The following MMEL1 variants were observed in gnomAD, a reference collection of about 807,000 sequenced individuals.
The protein encoded by MMEL1 is membrane metallo-endopeptidase-like 1.
A neutral mutation model predicts 117.1 loss-of-function variants in MMEL1; 98 were observed. The ratio of observed to expected loss-of-function variants is 0.84; its 90% CI spans 0.71 to 0.99. The LOEUF (loss-of-function observed/expected upper bound fraction) is 0.99. Among genes scored for constraint, MMEL1 ranks in the 50% least tolerant of loss-of-function variants. MMEL1 has a pLI of 0.00. For synonymous variants in MMEL1, 390 were observed against 415.1 expected, an observed-to-expected ratio of 0.94 and a Z score of 0.74; for missense variants, 1,014 against 1,049.1, an observed-to-expected ratio of 0.97 and a Z score of 0.46.
intron 2 of MMEL1, among the ~76,000 whole-genome samples, chr1:2,624,042 G>A (rs1645331758): frequency 6.6e-6 from 1 of 152,170 alleles, no homozygotes; most frequent in South Asian, 2.1e-4. Flanking sequence ...GGTTGACATG[G>A]GGATGTGGTA....
intron 7 of MMEL1, 104 bp downstream of exon 7, chr1:2,606,869 TG>T: frequency 9.7e-7 from 1 of 1,035,508 alleles, no homozygotes; most frequent in Non-Finnish European, 1.5e-6. Context: ...AGCAGCCAGC[TG>T]GGGGTGGGGG....
intron 14 of MMEL1, 94 bp from the exon 15 acceptor site, chr1:2,596,201 C>T (rs535592598): frequency 4.7e-5 from 56 of 1,196,568 alleles, no homozygotes; most frequent in African/African-American, 3.9e-4. Context: ...TGAGCCCCGC[C>T]GGGGCAAGGC....
intron 11 of MMEL1, among the ~76,000 whole-genome samples, chr1:2,603,309 C>T (rs1644964678): frequency 6.6e-6 from 1 of 152,192 alleles, no homozygotes; most frequent in African/African-American, 2.4e-5. Context: ...GGGAGGAGGC[C>T]CTCGAGAAGG....
At chr1:2,605,371 C>T (rs1645005502) in intron 9 of MMEL1, among the ~76,000 whole-genome samples, 187 bp downstream of exon 9, 1 of 152,128 alleles carries the variant, frequency 6.6e-6, no homozygotes, top group African/African-American at 2.4e-5. Flanking sequence ...GAGGGAACGT[C>T]CCCCAGGATG....
chr1:2,595,405 G>C lies in MMEL1; in HGVS notation c.1501-46C>G. On this transcript the variant is annotated intron_variant, in intron 15 of 23. Coordinates refer to ENST00000378412, the MANE Select transcript of MMEL1 (RefSeq NM_033467.4). The surrounding 1 kb of genome is among the most constrained non-coding windows in gnomAD (Gnocchi z 4.8). Reference sequence around the variant, plus strand: ...GGTCAGTGGGTGCCCCACTGCGGATGGAGTCAGCCCGGGGGCCGGTCAGTG... The same window carrying C: ...GGTCAGTGGGTGCCCCACTGCGGATCGAGTCAGCCCGGGGGCCGGTCAGTG... The C allele has an allele frequency of 1.3e-6, 2 of 1,568,372 alleles. No homozygotes were observed. Among genetic ancestry groups the C allele is most frequent in the South Asian group, 2.2e-5 (2 of 90,122 alleles).
At position 2,607,069 on chromosome 1, in the gene MMEL1, C is replaced by A; in HGVS notation, c.536G>T (p.Ser179Ile). ...RTLYRSCMNQ[S>I]VIEKRGSQPL... ...CTGAGAGCCTCGCTTCTCTATCACA[C>A]CTGAGAAGGGACGCAGTGGTCACTC... Residue 179 changes from serine (S) to isoleucine (I), a missense_variant and splice_region_variant, in exon 7 of 24, where the codon AGT becomes ATT. Coordinates refer to ENST00000378412, the MANE Select transcript of MMEL1 (RefSeq NM_033467.4). The A allele has an allele frequency of 6.2e-7, 1 of 1,611,200 alleles. No homozygotes were observed. Among genetic ancestry groups the A allele is most frequent in the Non-Finnish European group, 8.5e-7 (1 of 1,178,504 alleles).
chr1:2,616,996 T>C (rs1188912310), intron 2 of MMEL1, among the ~76,000 whole-genome samples: 1 of 152,244 alleles, frequency 6.6e-6, no homozygotes, highest in Non-Finnish European at 1.5e-5. Context: ...GAGCTAGGCA[T>C]GTTTTTTCCG....
intron 12 of MMEL1, 91 bp downstream of exon 12, chr1:2,598,563 G>A: frequency 1.9e-6 from 3 of 1,573,022 alleles, no homozygotes; most frequent in Middle Eastern, 4.1e-4. Flanking sequence ...GCTTCATAGG[G>A]TCCCCTCCTG....
At chr1:2,602,537 T>C (rs1477692786) in intron 11 of MMEL1, among the ~76,000 whole-genome samples, 4 of 152,100 alleles carry the variant, frequency 2.6e-5, no homozygotes, top group African/African-American at 9.7e-5. Context: ...AGAGCTGCCA[T>C]CTCTTGCCCG....
chr1:2,618,726 A>G (rs1408327275), intron 2 of MMEL1, among the ~76,000 whole-genome samples: 2 of 152,244 alleles, frequency 1.3e-5, no homozygotes, highest in African/African-American at 4.8e-5. Context: ...TATTCTCCAG[A>G]GGGAACATTT....
rs746024479 is a variant in MMEL1, at chr1:2,591,931, C to T, written c.2163+1G>A. 6.2e-7 allele frequency: 1 copy of T among 1,613,210 alleles called. No individual in the cohort carries two copies. Among genetic ancestry groups the T allele is most frequent in the Non-Finnish European group, 8.5e-7 (1 of 1,179,680 alleles). On this transcript the variant is annotated splice_donor_variant, in intron 22 of 23. Coordinates refer to ENST00000378412, the MANE Select transcript of MMEL1 (RefSeq NM_033467.4). LOFTEE classifies it high-confidence loss of function. Reference sequence around the variant, plus strand: ...GGTGGGACCAGGACTGCGGCTGCCACCTGGGCATAGTTGATGAAGAAGAGC... The same window carrying T: ...GGTGGGACCAGGACTGCGGCTGCCATCTGGGCATAGTTGATGAAGAAGAGC...
At chr1:2,591,470 T>G (rs1181634940) in intron 23 of MMEL1, 87 bp downstream of exon 23, 2 of 1,130,918 alleles carry the variant, frequency 1.8e-6, no homozygotes, top group Non-Finnish European at 2.7e-6. Context: ...GTTGAGCCAC[T>G]TTTTGTGCTT....
chr1:2,611,921 C>T (rs529967195), intron 3 of MMEL1, among the ~76,000 whole-genome samples: 8 of 152,152 alleles, frequency 5.3e-5, no homozygotes, highest in Non-Finnish European at 8.8e-5. Context: ...GGAGCAGGTG[C>T]GGAGTGTCCA....
Position 2,603,859 on chromosome 1 carries a change from G to C in MMEL1, c.1041+25C>G, listed in dbSNP as rs774914915. ...CACGAGTCTCCACCCGGCCAGTGCC[G>C]GCCTCCTGTGTGGTGTGGCCTCACC... On this transcript the variant is annotated intron_variant, in intron 11 of 23. Transcript: ENST00000378412. 1.9e-6 allele frequency: 3 copies of C among 1,608,730 alleles called. No individual in the cohort carries two copies. In the African/African-American group the frequency reaches 4.0e-5, roughly 22 times the overall value.
chr1:2,594,781 G>A lies in MMEL1; in HGVS notation c.1688+9C>T. On this transcript the variant is annotated intron_variant, in intron 17 of 23. Coordinates refer to ENST00000378412, the MANE Select transcript of MMEL1 (RefSeq NM_033467.4). ...CCCCCGCCCATGCCGCACCAGCGAT[G>A]CCACTCACAGATTTGGGTCCACCTT... The A allele has an allele frequency of 6.3e-7, 1 of 1,595,652 alleles. No homozygotes were observed. Among genetic ancestry groups the A allele is most frequent in the South Asian group, 1.1e-5 (1 of 90,690 alleles).
Position 2,594,379 on chromosome 1 carries a change from A to T in MMEL1, c.1747+6T>A. 2 of 1,551,794 alleles carry T rather than the reference A, an allele frequency of 1.3e-6. No homozygotes were observed. The highest frequency in any genetic ancestry group is 2.4e-5 in the South Asian group (2 of 84,064). On this transcript the variant is annotated splice_donor_region_variant and intron_variant, in intron 18 of 23. Coordinates refer to ENST00000378412, the MANE Select transcript of MMEL1 (RefSeq NM_033467.4). The stretch of plus-strand genomic sequence containing the variant: ...CCTGGGCAGGCAGGGAGGGGGAGGA[A>T]CTTACCAATCTGGTTTCGGTTTGGG...
intron 18 of MMEL1, 94 bp from the exon 19 acceptor site, chr1:2,594,027 T>G: frequency 2.1e-6 from 3 of 1,439,704 alleles, no homozygotes; most frequent in Non-Finnish European, 2.8e-6. Context: ...TTCTGACACT[T>G]GATCCCACAG....
At chr1:2,626,469 C>T (rs2100966500) in intron 2 of MMEL1, among the ~76,000 whole-genome samples, 1 of 152,362 alleles carries the variant, frequency 6.6e-6, no homozygotes, top group Admixed American at 6.5e-5. Context: ...CTTCATCTCA[C>T]CTGTTCAACT....
At chr1:2,609,502 T>G (rs1645092190) in intron 5 of MMEL1, 83 bp from the exon 6 acceptor site, 10 of 1,528,672 alleles carry the variant, frequency 6.5e-6, no homozygotes, top group Non-Finnish European at 8.0e-6. Context: ...CCTGAAGTGC[T>G]CGGCGAGAGG....
Sources: gnomAD v4.1 joint callset for allele counts (sites outside exome capture counted in the v4.1 genomes callset) on GRCh38, gnomAD v4.1.1 for gene constraint, Gnocchi (gnomAD v3.1) non-coding constraint, MANE v1.5 for transcripts, NCBI Gene and HGNC (gene_info 2026-07-23, HGNC 2026-07-21) for gene names.